ADAMTSL1: variants seen among roughly 807,000 people sequenced by gnomAD.
ADAMTSL1 encodes the protein ADAMTS like 1, also known as ADAMTS-like protein 1.
Under a neutral mutation model 201.8 loss-of-function variants are expected in ADAMTSL1, and 126 were observed. That is an observed-to-expected ratio of 0.62 (90% CI 0.54 to 0.72). The LOEUF (loss-of-function observed/expected upper bound fraction) is 0.72. ADAMTSL1 is among the 30% of genes least tolerant of loss of function. ADAMTSL1 has a pLI of 0.00. For synonymous variants in ADAMTSL1, 1,121 were observed against 903.4 expected (o/e 1.24, Z -4.32); for missense variants, 2,679 against 2,277.8 (o/e 1.18, Z -3.59).
chr9:18,055,963 T>C lies in ADAMTSL1; in HGVS notation c.88-107899T>C, dbSNP rs572057200. Among the ~76,000 whole-genome samples, 53 of 152,344 alleles carry C rather than the reference T, an allele frequency of 3.5e-4. 2 individuals carry two copies. In the South Asian group the frequency reaches 0.011, roughly 30 times the overall value. Reference sequence around the variant, plus strand: ...TACGCTCATTAATTTGAATTGCTACTATTGCAACATCCATTTTTTGAAAAT... The same window carrying C: ...TACGCTCATTAATTTGAATTGCTACCATTGCAACATCCATTTTTTGAAAAT... On this transcript the variant is annotated intron_variant, in intron 1 of 29. Transcript: ENST00000680146.
At position 18,433,503 on chromosome 9, in the gene ADAMTSL1, A is replaced by G. The variant is rs1214632305; in HGVS notation, c.208-71326A>G. 2.6e-5 allele frequency among the ~76,000 whole-genome samples: 4 copies of G among 152,118 alleles called. No homozygotes were observed. In the East Asian group the frequency reaches 5.8e-4, roughly 22 times the overall value. On this transcript the variant is annotated intron_variant, in intron 2 of 29. Coordinates refer to the ADAMTSL1 transcript ENST00000680146. The stretch of plus-strand genomic sequence containing the variant: ...GAAAAAACAATTTTGAACTTCCCTG[A>G]TGCGCTGAAATTGGGGAAGCCAAAT...
At chr9:18,593,907 A>G (rs1824087081) in intron 4 of ADAMTSL1, among the ~76,000 whole-genome samples, 1 of 152,064 alleles carries the variant, frequency 6.6e-6, no homozygotes, top group Non-Finnish European at 1.5e-5. Flanking sequence ...AATGTTCTAT[A>G]AATATCTATT....
intron 23 of ADAMTSL1, among the ~76,000 whole-genome samples, chr9:18,845,812 C>T (rs117997671): frequency 8.5e-4 from 129 of 152,278 alleles, no homozygotes; most frequent in East Asian, 5.6e-3. Context: ...TATAATATCA[C>T]GCTGGTATGA....
intron 21 of ADAMTSL1, among the ~76,000 whole-genome samples, chr9:18,822,048 A>T (rs1824244343): frequency 6.6e-6 from 1 of 152,170 alleles, no homozygotes; most frequent in Admixed American, 6.5e-5. Context: ...TGTTGAAAAG[A>T]TACACCACAG....
intron 13 of ADAMTSL1, among the ~76,000 whole-genome samples, chr9:18,686,639 C>G (rs1041216658): frequency 6.6e-6 from 1 of 152,098 alleles, no homozygotes; most frequent in Non-Finnish European, 1.5e-5. Context: ...AACTCTTTTC[C>G]CCTTGTACAC....
At chr9:18,667,305 C>T (rs1157120761) in intron 9 of ADAMTSL1, among the ~76,000 whole-genome samples, 4 of 149,440 alleles carry the variant, frequency 2.7e-5, no homozygotes, top group Admixed American at 1.4e-4. Flanking sequence ...GTCTCAAATT[C>T]TAATGCAACT....
At chr9:18,903,982 G>A (rs1404692256) in intron 26 of ADAMTSL1, among the ~76,000 whole-genome samples, 1 of 151,492 alleles carries the variant, frequency 6.6e-6, no homozygotes, top group African/African-American at 2.4e-5. Flanking sequence ...TTTTAGAGAT[G>A]GGGTCTCACT....
intron 1 of ADAMTSL1, among the ~76,000 whole-genome samples, chr9:18,007,759 C>G (rs1340897146): frequency 6.6e-6 from 1 of 151,888 alleles, no homozygotes; most frequent in East Asian, 1.9e-4. Flanking sequence ...CAAATGTTGA[C>G]ACACTCATTC....
chr9:18,582,649 C>G (rs755169340), intron 4 of ADAMTSL1, among the ~76,000 whole-genome samples: 1 of 151,872 alleles, frequency 6.6e-6, no homozygotes, highest in Non-Finnish European at 1.5e-5. Context: ...GAGATTGAGA[C>G]CATCCTGGCT....
chr9:18,600,161 T>G (rs1779602294), intron 4 of ADAMTSL1, among the ~76,000 whole-genome samples: 1 of 152,158 alleles, frequency 6.6e-6, no homozygotes, highest in Admixed American at 6.5e-5. Context: ...AGCTATCTGC[T>G]TCTCTGATGC....
intron 1 of ADAMTSL1, among the ~76,000 whole-genome samples, chr9:18,096,965 T>A (rs561085950): frequency 4.1e-4 from 62 of 152,346 alleles, no homozygotes; most frequent in Non-Finnish European, 8.1e-4. Flanking sequence ...ATAAAAGGCA[T>A]CCATTGTAAG....
At chr9:18,090,211 T>G (rs1322005556) in intron 1 of ADAMTSL1, among the ~76,000 whole-genome samples, 2 of 152,146 alleles carry the variant, frequency 1.3e-5, no homozygotes, top group Non-Finnish European at 2.9e-5. Context: ...AAAAATTAAA[T>G]GTAGAATTAC....
intron 2 of ADAMTSL1, among the ~76,000 whole-genome samples, chr9:18,415,653 C>A: frequency 6.6e-6 from 1 of 150,644 alleles, no homozygotes. Context: ...AGGAATTTTC[C>A]AAATTTGAGT....
chr9:18,406,299 C>CTTTTCTTTT (rs1554673609), intron 2 of ADAMTSL1, among the ~76,000 whole-genome samples: 2 of 90,122 alleles, frequency 2.2e-5, no homozygotes, highest in Admixed American at 1.0e-4. Context: ...TTTTTCTTTT[C>CTTTTCTTTT]TTTTCTTTTC....
intron 2 of ADAMTSL1, among the ~76,000 whole-genome samples, chr9:18,341,470 T>C (rs2132965993): frequency 6.6e-6 from 1 of 152,290 alleles, no homozygotes; most frequent in East Asian, 1.9e-4. Context: ...GAGCATTTTC[T>C]GGCCTTCCAC....
At chr9:18,180,459 G>T (rs1214625621) in intron 2 of ADAMTSL1, among the ~76,000 whole-genome samples, 1 of 150,904 alleles carries the variant, frequency 6.6e-6, no homozygotes, top group African/African-American at 2.4e-5. Flanking sequence ...CGTGAACCCG[G>T]GAGGCGGAGC....
intron 15 of ADAMTSL1, among the ~76,000 whole-genome samples, chr9:18,725,021 T>C (rs921245425): frequency 3.9e-5 from 6 of 151,988 alleles, no homozygotes; most frequent in Admixed American, 2.6e-4. Flanking sequence ...ATTCTCCTGC[T>C]TCAGCCTCCC....
chr9:18,473,957 G>C (rs369624867), upstream of ADAMTSL1: 5 of 390,874 alleles, frequency 1.3e-5, no homozygotes, highest in African/African-American at 4.1e-5. Flanking sequence ...TTTTTTGCTC[G>C]CACCGTTACA....
At chr9:18,465,002 T>C (rs951975308) in intron 2 of ADAMTSL1, among the ~76,000 whole-genome samples, 5 of 152,212 alleles carry the variant, frequency 3.3e-5, no homozygotes, top group South Asian at 2.1e-4. Context: ...ACAACATATT[T>C]CTTGTATTTG....
Sources: gnomAD v4.1 joint callset for allele counts (sites outside exome capture counted in the v4.1 genomes callset) on GRCh38, gnomAD v4.1.1 for gene constraint, MANE v1.5 for transcripts, NCBI Gene and HGNC (gene_info 2026-07-23, HGNC 2026-07-21) for gene names.